The following L3MBTL3 variants were observed in gnomAD, a reference collection of about 807,000 sequenced individuals.
The protein encoded by L3MBTL3 is lethal(3)malignant brain tumor-like protein 3.
Under a neutral mutation model 102.3 loss-of-function variants are expected in L3MBTL3, and 27 were observed. That is an observed-to-expected ratio of 0.26 (90% confidence interval 0.19 to 0.36). The LOEUF is 0.36. Among genes scored for constraint, L3MBTL3 ranks in the 10% least tolerant of loss-of-function variants. The pLI is 1.00. For synonymous variants in L3MBTL3, 340 were observed against 320.9 expected, an observed-to-expected ratio of 1.06 and a Z score of -0.64; for missense variants, 798 against 955.3, an observed-to-expected ratio of 0.84 and a Z score of 2.17.
intron 20 of L3MBTL3, among the ~76,000 whole-genome samples, chr6:130,129,041 A>G (rs1216102475): frequency 6.6e-6 from 1 of 152,174 alleles, no homozygotes; most frequent in Non-Finnish European, 1.5e-5. Context: ...ATACCGTGCA[A>G]TATCTCATGG....
chr6:130,100,997 A>G (rs12206651), intron 18 of L3MBTL3, among the ~76,000 whole-genome samples: 23,105 of 152,220 alleles, frequency 0.15, 2,344 homozygotes, highest in Non-Finnish European at 0.22. Flanking sequence ...GCGTATAACA[A>G]TGAATGAAAT....
At chr6:130,034,161 T>G (rs1183754002) in intron 2 of L3MBTL3, among the ~76,000 whole-genome samples, 1 of 152,200 alleles carries the variant, frequency 6.6e-6, no homozygotes, top group Non-Finnish European at 1.5e-5. Context: ...TATCCACTCC[T>G]GGCAGATAGG....
rs576972454 is a variant in L3MBTL3, at chr6:130,051,384, A to T, written c.425A>T (p.Asn142Ile). The change falls in exon 6 of 23, where the codon AAT (asparagine) becomes ATT (isoleucine). Residue 142 changes from asparagine to isoleucine, a missense_variant. This residue lies in a region of L3MBTL3 where 434 missense variants were observed against 506.6 expected (regional missense o/e 0.86). Coordinates refer to ENST00000361794, the MANE Select transcript of L3MBTL3 (RefSeq NM_032438.4). ...CLSGGNYCSQ[N>I]CARHIKDKDQ... is the part of the protein sequence containing the mutation. Reference sequence around the variant, plus strand: ...TCTGGAGGAAACTATTGCAGCCAGAATTGTGCTCGGCACATCAAAGATAAG... The same window carrying T: ...TCTGGAGGAAACTATTGCAGCCAGATTTGTGCTCGGCACATCAAAGATAAG... 2.5e-6 allele frequency: 4 copies of T among 1,614,090 alleles called. No homozygotes were observed. The Middle Eastern group carries it at 5.0e-4, about 200-fold the overall frequency.
intron 17 of L3MBTL3, among the ~76,000 whole-genome samples, chr6:130,093,901 G>A (rs541242737): frequency 8.5e-5 from 13 of 152,336 alleles, no homozygotes; most frequent in African/African-American, 3.1e-4. Context: ...TTCACAGTAT[G>A]TGAGTATTCA....
chr6:130,028,419 G>C (rs2114520579), intron 2 of L3MBTL3, among the ~76,000 whole-genome samples: 1 of 152,328 alleles, frequency 6.6e-6, no homozygotes, highest in Non-Finnish European at 1.5e-5. Flanking sequence ...GCATGGATTA[G>C]TTCACACTCA....
chr6:130,100,337 C>T (rs1420395360), intron 18 of L3MBTL3, among the ~76,000 whole-genome samples: 1 of 152,230 alleles, frequency 6.6e-6, no homozygotes, highest in South Asian at 2.1e-4. Flanking sequence ...TGATGTCCGC[C>T]TCCATGCATG....
chr6:130,083,804 G>T, intron 15 of L3MBTL3, 99 bp downstream of exon 15: 1 of 546,526 alleles, frequency 1.8e-6, no homozygotes, highest in South Asian at 2.9e-5. Context: ...GAATAGGAAT[G>T]AGAAAAAAAT....
chr6:130,062,620 C>T (rs1417437454), intron 10 of L3MBTL3, among the ~76,000 whole-genome samples: 1 of 145,684 alleles, frequency 6.9e-6, no homozygotes, highest in Admixed American at 7.0e-5. Context: ...GTCTTGAAGT[C>T]CTGGGCTCAA....
chr6:130,075,322 C>T (rs578039112), intron 13 of L3MBTL3, among the ~76,000 whole-genome samples: 1 of 152,106 alleles, frequency 6.6e-6, no homozygotes, highest in East Asian at 1.9e-4. Context: ...TCTTAGAGGA[C>T]ATGGGGATTT....
chr6:130,125,384 A>ATT (rs1386118866), intron 20 of L3MBTL3, among the ~76,000 whole-genome samples: 2 of 151,754 alleles, frequency 1.3e-5, no homozygotes, highest in Non-Finnish European at 2.9e-5. Context: ...TATAGAGTTT[A>ATT]TTTCCCCTTG....
intron 20 of L3MBTL3, among the ~76,000 whole-genome samples, chr6:130,125,263 T>C (rs963353221): frequency 6.6e-6 from 1 of 152,252 alleles, no homozygotes; most frequent in Non-Finnish European, 1.5e-5. Flanking sequence ...TCTCTCGTTC[T>C]GTCGAGTGTG....
intron 3 of L3MBTL3, among the ~76,000 whole-genome samples, chr6:130,048,967 C>CAT (rs1554223369): frequency 2.7e-5 from 4 of 150,454 alleles, no homozygotes; most frequent in East Asian, 3.9e-4. Flanking sequence ...CACACACACA[C>CAT]ACATACACAC....
At chr6:130,073,052 C>T (rs753323467) in intron 13 of L3MBTL3, among the ~76,000 whole-genome samples, 3 of 151,998 alleles carry the variant, frequency 2.0e-5, no homozygotes, top group Non-Finnish European at 4.4e-5. Context: ...TTCTTCTGTT[C>T]CTCCTATTTA....
Position 130,055,239 on chromosome 6 carries a change from G to C in L3MBTL3, c.651G>C (p.Ser217=). ...QRARRKRRGD[S]AVLKQGLPPK... is the part of the protein sequence containing the mutation. The stretch of plus-strand genomic sequence containing the variant: ...CACGGAGGAAAAGACGAGGGGATTC[G>C]GCTGTACTAAAGCAGGGTGAGCTGA... The change falls in exon 8 of 23, where the codon TCG becomes TCC. Residue 217 remains serine (S), a synonymous_variant. Transcript: ENST00000361794. 6.2e-7 allele frequency: 1 copy of C among 1,613,246 alleles called. No individual in the cohort carries two copies. Among genetic ancestry groups the C allele is most frequent in the African/African-American group, 1.3e-5 (1 of 74,992 alleles).
At position 130,133,910 on chromosome 6, in the gene L3MBTL3, G is replaced by GTA. The variant is rs1208057034; in HGVS notation, c.2199+7_2199+8dup. 6.2e-7 allele frequency: 1 copy of GTA among 1,605,240 alleles called. No individual in the cohort carries two copies. The highest frequency in any genetic ancestry group is 1.3e-5 in the African/African-American group (1 of 74,846). ...GGAAAGGTATTTAAAGATGAAGTAA[G>GTA]TATTCCACTAAATTGCAATATGTTA... On this transcript the variant is annotated splice_donor_region_variant and intron_variant, in intron 22 of 22. Transcript: ENST00000361794. This position sits in a 1 kb window ranked among gnomAD's most constrained non-coding sequence, Gnocchi z 4.9.
intron 3 of L3MBTL3, among the ~76,000 whole-genome samples, chr6:130,046,535 G>A (rs755259143): frequency 7.2e-5 from 11 of 152,148 alleles, no homozygotes; most frequent in Admixed American, 2.0e-4. Flanking sequence ...GGTAGTTCAA[G>A]CCAAACAAAA....
chr6:130,093,224 A>C (rs1030678208), intron 17 of L3MBTL3, among the ~76,000 whole-genome samples: 12 of 152,140 alleles, frequency 7.9e-5, no homozygotes, highest in Non-Finnish European at 1.8e-4. Flanking sequence ...ACATTGGGAG[A>C]AACTGGGCAA....
At chr6:130,083,434 A>T (rs1562296005) in intron 14 of L3MBTL3, among the ~76,000 whole-genome samples, 186 bp from the exon 15 acceptor site, 2 of 151,974 alleles carry the variant, frequency 1.3e-5, no homozygotes, top group South Asian at 4.1e-4. Flanking sequence ...AAAGTAATAG[A>T]AAAATAATGA....
intron 19 of L3MBTL3, among the ~76,000 whole-genome samples, chr6:130,106,301 G>C (rs1784977830): frequency 6.6e-6 from 1 of 152,044 alleles, no homozygotes; most frequent in African/African-American, 2.4e-5. Context: ...ACTTTTCCTT[G>C]TCTTTTCACT....
Sources: gnomAD v4.1 joint callset for allele counts (sites outside exome capture counted in the v4.1 genomes callset) on GRCh38, gnomAD v4.1.1 for gene constraint, gnomAD v4.1.1 regional missense constraint, Gnocchi (gnomAD v3.1) non-coding constraint, MANE v1.5 for transcripts, NCBI Gene and HGNC (gene_info 2026-07-23, HGNC 2026-07-21) for gene names.